The following RAPGEF4 variants were observed in gnomAD, a reference collection of about 807,000 sequenced individuals.
RAPGEF4 encodes the protein Rap guanine nucleotide exchange factor 4.
RAPGEF4 carries 66 observed loss-of-function variants against 147.9 expected under a neutral mutation model. That is an observed-to-expected ratio of 0.45 (90% CI 0.37 to 0.55). The LOEUF is 0.55. RAPGEF4 is among the 20% of genes least tolerant of loss of function. The pLI, the probability that RAPGEF4 is intolerant of heterozygous loss-of-function variation, is 0.00. For missense variants in RAPGEF4, 1,071 were observed against 1,257.3 expected (o/e 0.85, Z 2.24); for synonymous variants, 419 against 442.7 (o/e 0.95, Z 0.67).
chr2:172,937,207 C>T (rs544447390), intron 6 of RAPGEF4, among the ~76,000 whole-genome samples: 25 of 151,926 alleles, frequency 1.6e-4, no homozygotes, highest in Non-Finnish European at 3.2e-4. Context: ...GGCAGCAGAG[C>T]AAGACCCTGT....
chr2:172,750,697 T>C (rs1016783723), intron 1 of RAPGEF4, among the ~76,000 whole-genome samples: 1 of 152,166 alleles, frequency 6.6e-6, no homozygotes, highest in African/African-American at 2.4e-5. Context: ...TGTGACATTG[T>C]TTTTCACTGT....
intron 4 of RAPGEF4, among the ~76,000 whole-genome samples, chr2:172,907,895 A>T (rs1699775072): frequency 6.6e-6 from 1 of 152,180 alleles, no homozygotes; most frequent in African/African-American, 2.4e-5. Flanking sequence ...TATAGATTTT[A>T]TTTCTCATCC....
chr2:173,020,013 G>A (rs1297799525), intron 22 of RAPGEF4, among the ~76,000 whole-genome samples: 2 of 151,826 alleles, frequency 1.3e-5, no homozygotes, highest in Non-Finnish European at 2.9e-5. Flanking sequence ...GTTCCCTTCT[G>A]TCTCCCCAGT....
At chr2:172,942,877 T>C (rs1001525561) in intron 6 of RAPGEF4, among the ~76,000 whole-genome samples, 3 of 152,190 alleles carry the variant, frequency 2.0e-5, no homozygotes, top group African/African-American at 7.2e-5. Flanking sequence ...TCCATCTTCA[T>C]ACTTGGGCAT....
chr2:173,006,564 T>G (rs1391459970), intron 17 of RAPGEF4, among the ~76,000 whole-genome samples: 1 of 152,200 alleles, frequency 6.6e-6, no homozygotes, highest in Non-Finnish European at 1.5e-5. Context: ...AAATCCACCT[T>G]TTCTGTGTTT....
At chr2:173,050,394 G>A (rs1041143806) in intron 30 of RAPGEF4, among the ~76,000 whole-genome samples, 10 of 151,300 alleles carry the variant, frequency 6.6e-5, no homozygotes, top group Non-Finnish European at 1.2e-4. Context: ...CTCACAGGGG[G>A]CAGGGGCATG....
intron 23 of RAPGEF4, among the ~76,000 whole-genome samples, 154 bp from the exon 24 acceptor site, chr2:173,026,418 G>A (rs757658122): frequency 7.2e-5 from 11 of 152,178 alleles, no homozygotes; most frequent in African/African-American, 1.4e-4. Flanking sequence ...AGCAACTAGC[G>A]TTGCGAGCAG....
At chr2:172,819,499 T>A (rs1472120076) in intron 4 of RAPGEF4, among the ~76,000 whole-genome samples, 5 of 128,818 alleles carry the variant, frequency 3.9e-5, no homozygotes, top group Non-Finnish European at 7.9e-5. Context: ...GGAGTCTCGC[T>A]CTGTCGCCCA....
At position 172,872,969 on chromosome 2, in the gene RAPGEF4, A is replaced by G. The variant is rs561195012; in HGVS notation, c.445-44833A>G. Among the ~76,000 whole-genome samples, 37 of 152,242 alleles carry G rather than the reference A, an allele frequency of 2.4e-4. No individual in the cohort carries two copies. The East Asian group carries it at 6.4e-3, about 26-fold the overall frequency. ...CTGTGAAGAGTTCAGACTGACCGGAACCATTTATTGAATACCCCTTACTTG... is the reference window on the plus strand; with the variant it reads ...CTGTGAAGAGTTCAGACTGACCGGAGCCATTTATTGAATACCCCTTACTTG... On this transcript the variant is annotated intron_variant, in intron 4 of 30. Transcript: ENST00000397081.
In RAPGEF4 at chr2:173,007,944, G is replaced by A. The variant is rs544293547; in HGVS notation, c.1659-6520G>A. On this transcript the variant is annotated intron_variant, in intron 17 of 30. Transcript: ENST00000397081. ...CTCTCCAAGCCCCTTCTGTAAAATA[G>A]GGGTAATTATATGATACGGTCTGGC... is the stretch of plus-strand genomic sequence containing the variant. Among the ~76,000 whole-genome samples, 3 of 152,272 alleles carry A rather than the reference G, an allele frequency of 2.0e-5. No individual in the cohort carries two copies. In the South Asian group the frequency reaches 6.2e-4, roughly 32 times the overall value.
chr2:173,027,917 C>T (rs1038605246), intron 25 of RAPGEF4, among the ~76,000 whole-genome samples: 1 of 152,160 alleles, frequency 6.6e-6, no homozygotes, highest in Non-Finnish European at 1.5e-5. Context: ...TTTGGTATCA[C>T]CACAGTGCTA....
At chr2:172,806,590 G>GT (rs1160015942) in intron 3 of RAPGEF4, among the ~76,000 whole-genome samples, 1 of 152,184 alleles carries the variant, frequency 6.6e-6, no homozygotes, top group African/African-American at 2.4e-5. Context: ...CAATGCTGTT[G>GT]TTTTATCACA....
At chr2:172,822,122 G>C (rs1689135560) in intron 4 of RAPGEF4, 1 of 1,020,112 alleles carries the variant, frequency 9.8e-7, no homozygotes, top group Non-Finnish European at 1.4e-6. Context: ...TACCATGGCA[G>C]GGACATAATT....
intron 1 of RAPGEF4, among the ~76,000 whole-genome samples, chr2:172,760,913 A>G (rs1696254987): frequency 6.6e-6 from 1 of 151,998 alleles, no homozygotes; most frequent in Admixed American, 6.6e-5. Flanking sequence ...AAAATCCTAA[A>G]TATGAAAACT....
In RAPGEF4 at chr2:172,985,495, T is replaced by C; in HGVS notation, c.1150+2T>C. The C allele has an allele frequency of 6.2e-7, 1 of 1,613,566 alleles. No homozygotes were observed. The highest frequency in any genetic ancestry group is 8.5e-7 in the Non-Finnish European group (1 of 1,179,850). The stretch of plus-strand genomic sequence containing the variant: ...CTCACGCCAAAGGAGGGACTGTGTG[T>C]AAGTGAAAAGCTGTACTGGAACCTT... On this transcript the variant is annotated splice_donor_variant, in intron 12 of 30. Transcript: ENST00000397081. LOFTEE classifies it high-confidence loss of function.
At chr2:172,988,312 C>G in intron 13 of RAPGEF4, 40 bp downstream of exon 13, 1 of 1,578,280 alleles carries the variant, frequency 6.3e-7, no homozygotes, top group South Asian at 1.2e-5. Context: ...TATTACGCTC[C>G]ACTTACTAGT....
At chr2:172,868,782 G>A (rs1694903085) in intron 4 of RAPGEF4, among the ~76,000 whole-genome samples, 1 of 152,216 alleles carries the variant, frequency 6.6e-6, no homozygotes. Flanking sequence ...TGGGTAATTT[G>A]TAAAGATATG....
chr2:172,919,444 G>A lies in RAPGEF4; in HGVS notation c.517+1570G>A, dbSNP rs115511845. On this transcript the variant is annotated intron_variant, in intron 5 of 30. Coordinates refer to ENST00000397081, the MANE Select transcript of RAPGEF4 (RefSeq NM_007023.4). Reference sequence around the variant, plus strand: ...GTTGCCCACGTCCAGACTCCATTCCGCCTTGGCTCCCGGGGCACCACTGTG... The same window carrying A: ...GTTGCCCACGTCCAGACTCCATTCCACCTTGGCTCCCGGGGCACCACTGTG... Among the ~76,000 whole-genome samples, 955 of 152,088 alleles carry A rather than the reference G, an allele frequency of 6.3e-3. 9 individuals carry two copies. Among genetic ancestry groups the A allele is most frequent in the African/African-American group, 0.022 (904 of 41,470 alleles).
chr2:172,871,624 AC>A (rs1230664871), intron 4 of RAPGEF4, among the ~76,000 whole-genome samples: 1 of 142,740 alleles, frequency 7.0e-6, no homozygotes, highest in East Asian at 2.0e-4. Context: ...AAAAAAGCAG[AC>A]TTTTTTTTTT....
Sources: allele counts gnomAD v4.1 joint callset (sites outside exome capture counted in the v4.1 genomes callset), GRCh38; gene constraint gnomAD v4.1.1; transcripts MANE v1.5; gene names NCBI Gene and HGNC (gene_info 2026-07-23, HGNC 2026-07-21).